ZHX2: variants seen among roughly 807,000 people sequenced by gnomAD.
ZHX2 encodes the protein zinc fingers and homeoboxes protein 2.
Under a neutral mutation model 21.9 loss-of-function variants are expected in ZHX2, and 6 were observed. That is an observed-to-expected ratio of 0.27 (90% confidence interval 0.15 to 0.54). ZHX2 has a LOEUF of 0.54. ZHX2 is among the 20% of genes least tolerant of loss of function. ZHX2 has a pLI of 0.95. For missense variants in ZHX2, 908 were observed against 1,090.7 expected (o/e 0.83, Z 2.36); for synonymous variants, 434 against 437.1 (o/e 0.99, Z 0.09).
intron 1 of ZHX2, among the ~76,000 whole-genome samples, chr8:122,852,490 C>T (rs1431299051): frequency 2.0e-5 from 3 of 151,872 alleles, no homozygotes; most frequent in Non-Finnish European, 4.4e-5. Flanking sequence ...ATCACTTAGC[C>T]AAAGTGACAC....
In ZHX2 at chr8:122,952,201, G is replaced by C. The variant is rs376446251; in HGVS notation, c.691G>C (p.Gly231Arg). The change falls in exon 3 of 4, where the codon GGG (glycine) becomes CGG (arginine). Residue 231 changes from glycine (G) to arginine (R), a missense_variant. Gly to Arg is a moderately radical substitution (Grantham distance 125, BLOSUM62 -2). This residue lies in a region of ZHX2 where 220 missense variants were observed against 251.4 expected (regional missense o/e 0.88). Coordinates refer to ENST00000314393, the MANE Select transcript of ZHX2 (RefSeq NM_014943.5). This position sits in a 1 kb window ranked among gnomAD's most constrained non-coding sequence, Gnocchi z 6.9. The part of the protein sequence containing the change: ...DTAEILSRLG[G>R]VELLQDTLGH... ...AGCTGAGATCCTCTCGAGACTCGGC[G>C]GGGTGGAGCTCCTCCAAGACACATT... 1.7e-5 allele frequency: 28 copies of C among 1,613,188 alleles called. No individual in the cohort carries two copies. Among genetic ancestry groups the C allele is most frequent in the Non-Finnish European group, 2.4e-5 (28 of 1,179,886 alleles).
chr8:122,867,185 T>G (rs374016767), intron 2 of ZHX2, among the ~76,000 whole-genome samples: 1 of 152,302 alleles, frequency 6.6e-6, no homozygotes, highest in East Asian at 1.9e-4. Context: ...CTTTGTGGTC[T>G]TATATCAGCA....
chr8:122,810,963 T>C (rs906388035), intron 1 of ZHX2, among the ~76,000 whole-genome samples: 3 of 152,300 alleles, frequency 2.0e-5, no homozygotes, highest in African/African-American at 7.2e-5. Flanking sequence ...AAAGTTTTAC[T>C]TTTTAAAATT....
intron 2 of ZHX2, among the ~76,000 whole-genome samples, chr8:122,874,865 G>A (rs140590208): frequency 8.4e-4 from 128 of 151,962 alleles, no homozygotes; most frequent in African/African-American, 3.1e-3. Flanking sequence ...TCAGCAGCAG[G>A]GCATGGGGCA....
At chr8:122,908,256 A>C (rs931169638) in intron 2 of ZHX2, among the ~76,000 whole-genome samples, 1 of 152,148 alleles carries the variant, frequency 6.6e-6, no homozygotes, top group Non-Finnish European at 1.5e-5. Flanking sequence ...ACTGGAGTGC[A>C]ATGTGTGATC....
intron 2 of ZHX2, among the ~76,000 whole-genome samples, chr8:122,907,221 C>T (rs955197830): frequency 6.6e-5 from 10 of 152,292 alleles, no homozygotes; most frequent in Admixed American, 6.5e-4. Context: ...GTCCTGATGA[C>T]ATGTGCCTAA....
chr8:122,896,742 C>T (rs553569394), intron 2 of ZHX2, among the ~76,000 whole-genome samples: 18 of 152,346 alleles, frequency 1.2e-4, no homozygotes, highest in Admixed American at 5.9e-4. Flanking sequence ...CTGCTGCCCT[C>T]TACCTCCCTG....
At chr8:122,857,394 A>G (rs532150898) in intron 1 of ZHX2, among the ~76,000 whole-genome samples, 1 of 152,276 alleles carries the variant, frequency 6.6e-6, no homozygotes, top group South Asian at 2.1e-4. Flanking sequence ...GCCCTTCCCA[A>G]TGCCAGACAC....
chr8:122,820,527 A>T (rs1209714301), intron 1 of ZHX2, among the ~76,000 whole-genome samples: 1 of 152,150 alleles, frequency 6.6e-6, no homozygotes, highest in Non-Finnish European at 1.5e-5. Context: ...ATTCAAGAGG[A>T]CTGAACAGGA....
At chr8:122,831,387 G>A (rs537517815) in intron 1 of ZHX2, among the ~76,000 whole-genome samples, 1 of 152,182 alleles carries the variant, frequency 6.6e-6, no homozygotes, top group South Asian at 2.1e-4. Context: ...AGGCTAGGGC[G>A]GAGACGTTAC....
At chr8:122,873,150 A>T (rs531755541) in intron 2 of ZHX2, among the ~76,000 whole-genome samples, 15 of 152,312 alleles carry the variant, frequency 9.8e-5, no homozygotes, top group Admixed American at 9.8e-4. Flanking sequence ...CCAAATTACC[A>T]TATGTAAGTC....
chr8:122,838,025 G>A (rs1196815147), intron 1 of ZHX2, among the ~76,000 whole-genome samples: 4 of 152,214 alleles, frequency 2.6e-5, no homozygotes, highest in African/African-American at 9.6e-5. Context: ...AGCCCGTTGA[G>A]CTTTGTGTTT....
At chr8:122,863,228 T>G (rs1449920109) in intron 1 of ZHX2, among the ~76,000 whole-genome samples, 5 of 151,760 alleles carry the variant, frequency 3.3e-5, no homozygotes, top group Non-Finnish European at 7.4e-5. Context: ...AAGCCTGCTT[T>G]TCCACAAGCT....
At chr8:122,855,829 C>G (rs1197425622) in intron 1 of ZHX2, among the ~76,000 whole-genome samples, 1 of 152,184 alleles carries the variant, frequency 6.6e-6, no homozygotes, top group Non-Finnish European at 1.5e-5. Flanking sequence ...GTATTCCCAG[C>G]TACCATGTTG....
chr8:122,845,441 C>T (rs1818732131), intron 1 of ZHX2, among the ~76,000 whole-genome samples: 1 of 152,196 alleles, frequency 6.6e-6, no homozygotes, highest in Admixed American at 6.5e-5. Context: ...CAGGAAAGAA[C>T]TAATATTGTC....
chr8:122,817,953 C>T (rs772850699), intron 1 of ZHX2, among the ~76,000 whole-genome samples: 14 of 152,166 alleles, frequency 9.2e-5, no homozygotes, highest in Admixed American at 9.2e-4. Context: ...CTCCAGGAGG[C>T]CTTCCCAGAT....
intron 2 of ZHX2, among the ~76,000 whole-genome samples, chr8:122,929,821 T>C (rs1042968828): frequency 2.0e-5 from 3 of 152,150 alleles, no homozygotes; most frequent in African/African-American, 7.2e-5. Flanking sequence ...CCAGTATAAA[T>C]CCAACTCTAT....
At chr8:122,944,402 A>T (rs1812917296) in intron 2 of ZHX2, among the ~76,000 whole-genome samples, 1 of 152,096 alleles carries the variant, frequency 6.6e-6, no homozygotes, top group African/African-American at 2.4e-5. Flanking sequence ...CCTCCCCTGG[A>T]AAGCCTTTAT....
intron 1 of ZHX2, among the ~76,000 whole-genome samples, chr8:122,803,404 A>G (rs1817757395): frequency 6.6e-6 from 1 of 152,176 alleles, no homozygotes; most frequent in South Asian, 2.1e-4. Context: ...ATCTCCACCA[A>G]GACGCCTTCT....
Sources: gnomAD v4.1 joint callset for allele counts (sites outside exome capture counted in the v4.1 genomes callset) on GRCh38, gnomAD v4.1.1 for gene constraint, gnomAD v4.1.1 regional missense constraint, Gnocchi (gnomAD v3.1) non-coding constraint, MANE v1.5 for transcripts, NCBI Gene and HGNC (gene_info 2026-07-23, HGNC 2026-07-21) for gene names.